The following TMEM132C variants were observed in gnomAD, a reference collection of about 807,000 sequenced individuals.
The protein encoded by TMEM132C is transmembrane protein 132C, also known as protein phosphatase 1, regulatory subunit 152.
In TMEM132C, 29 loss-of-function variants were observed where a neutral mutation model predicts 61.4. The ratio of observed to expected loss-of-function variants is 0.47; its 90% CI spans 0.35 to 0.64. TMEM132C has a LOEUF of 0.64. Among genes scored for constraint, TMEM132C ranks in the 30% least tolerant of loss-of-function variants. The pLI, the probability that TMEM132C is intolerant of heterozygous loss-of-function variation, is 0.00. For synonymous variants in TMEM132C, 656 were observed against 633.1 expected (o/e 1.04, Z -0.54); for missense variants, 1,408 against 1,476.9 (o/e 0.95, Z 0.76).
At chr12:128,520,557 A>C (rs1872874539) in intron 2 of TMEM132C, among the ~76,000 whole-genome samples, 1 of 152,202 alleles carries the variant, frequency 6.6e-6, no homozygotes, top group Non-Finnish European at 1.5e-5. Context: ...CTTAGCCTCA[A>C]CACTGCTGAC....
At chr12:128,654,359 G>A (rs2135613978) in intron 4 of TMEM132C, among the ~76,000 whole-genome samples, 1 of 152,236 alleles carries the variant, frequency 6.6e-6, no homozygotes, top group South Asian at 2.1e-4. Flanking sequence ...AAGAGGCAGG[G>A]AAGGATCCTG....
intron 1 of TMEM132C, among the ~76,000 whole-genome samples, chr12:128,314,346 TC>T (rs869083852): frequency 7.5e-6 from 1 of 133,450 alleles, no homozygotes; most frequent in Non-Finnish European, 1.7e-5. Context: ...TAGCTGCCCA[TC>T]AGGCCTTCTA....
rs74460623 is a variant in TMEM132C, at chr12:128,343,852, A to G, written c.86-70880A>G. Among the ~76,000 whole-genome samples, 778 of 152,310 alleles carry G rather than the reference A, an allele frequency of 5.1e-3. 8 individuals carry two copies. The highest frequency in any genetic ancestry group is 0.018 in the African/African-American group (741 of 41,576). On this transcript the variant is annotated intron_variant, in intron 1 of 8. Transcript: ENST00000435159. ...CATTTCATATAAATGAAACCATACA[A>G]TATACATACAATAAAATTCTGTGTA...
intron 1 of TMEM132C, among the ~76,000 whole-genome samples, chr12:128,373,909 T>C (rs1318354560): frequency 6.6e-6 from 1 of 152,232 alleles, no homozygotes; most frequent in Admixed American, 6.5e-5. Flanking sequence ...ATTCCATTCC[T>C]GCAGCAGCTG....
intron 1 of TMEM132C, among the ~76,000 whole-genome samples, chr12:128,356,852 CT>C (rs760880401): frequency 1.3e-5 from 2 of 152,196 alleles, no homozygotes; most frequent in African/African-American, 2.4e-5. Context: ...TGCAAAGCTG[CT>C]TTTGTTTTCC....
At chr12:128,646,007 G>C (rs1954194377) in intron 4 of TMEM132C, among the ~76,000 whole-genome samples, 1 of 151,832 alleles carries the variant, frequency 6.6e-6, no homozygotes, top group Non-Finnish European at 1.5e-5. Context: ...ATCAGTGTTG[G>C]ATGAGTGTGT....
intron 2 of TMEM132C, among the ~76,000 whole-genome samples, chr12:128,454,175 C>G (rs1262905688): frequency 2.0e-5 from 3 of 152,200 alleles, no homozygotes; most frequent in Non-Finnish European, 4.4e-5. Flanking sequence ...CACATTCACA[C>G]ATCGAATAAT....
chr12:128,597,604 T>G (rs1360719783), intron 3 of TMEM132C, among the ~76,000 whole-genome samples: 1 of 152,228 alleles, frequency 6.6e-6, no homozygotes, highest in Admixed American at 6.5e-5. Context: ...TATAGATGTG[T>G]TCATCCCCTC....
chr12:128,550,919 C>G (rs1339829057), intron 3 of TMEM132C, among the ~76,000 whole-genome samples: 2 of 152,118 alleles, frequency 1.3e-5, no homozygotes, highest in Non-Finnish European at 2.9e-5. Flanking sequence ...GTGTGGAATA[C>G]GAAAGCTCAG....
At chr12:128,551,904 C>T (rs1398793568) in intron 3 of TMEM132C, among the ~76,000 whole-genome samples, 2 of 152,150 alleles carry the variant, frequency 1.3e-5, no homozygotes, top group Admixed American at 6.5e-5. Flanking sequence ...GAACGTTGCA[C>T]CTTGATCTGA....
At position 128,335,299 on chromosome 12, in the gene TMEM132C, C is replaced by T. The variant is rs141812162; in HGVS notation, c.85+67812C>T. Among the ~76,000 whole-genome samples, 295 of 152,190 alleles carry T rather than the reference C, an allele frequency of 1.9e-3. 1 individual carries two copies. The highest frequency in any genetic ancestry group is 6.4e-3 in the African/African-American group (266 of 41,530). ...CTTTTGCAAAGGAATTTGTTATTCA[C>T]GAAAGCATCCTCATCTTATCAACCT... On this transcript the variant is annotated intron_variant, in intron 1 of 8. Transcript: ENST00000435159.
rs568875201 is a variant in TMEM132C at position 128,697,204 on chromosome 12, G to T, written c.1930-20G>T. On this transcript the variant is annotated intron_variant, in intron 7 of 8. Transcript: ENST00000435159. ...GAAACAGGTGTGATGGATTTTCCTT[G>T]TGTCCTGCCAATCCCACAGGTGTTG... The T allele has an allele frequency of 6.7e-7, 1 of 1,485,476 alleles. No individual in the cohort carries two copies. Among genetic ancestry groups the T allele is most frequent in the East Asian group, 2.5e-5 (1 of 39,838 alleles). The allele number at this position is 1,485,476 out of a possible 1,614,324, so 92.0% of individuals were successfully genotyped here. A position where few individuals can be genotyped will look rare whatever the true frequency, so the allele number is the denominator to read the frequency against.
intron 1 of TMEM132C, among the ~76,000 whole-genome samples, chr12:128,337,419 G>C (rs1340960995): frequency 1.3e-5 from 2 of 152,174 alleles, no homozygotes; most frequent in African/African-American, 4.8e-5. Context: ...TAAAGAAAAG[G>C]CTTTGGAAAT....
chr12:128,591,757 T>TA (rs1317837295), intron 3 of TMEM132C, among the ~76,000 whole-genome samples: 1 of 151,990 alleles, frequency 6.6e-6, no homozygotes, highest in Non-Finnish European at 1.5e-5. Context: ...TTTGCCAAGT[T>TA]AAAAAAACTG....
intron 5 of TMEM132C, among the ~76,000 whole-genome samples, chr12:128,676,495 A>C (rs1350760397): frequency 6.6e-6 from 1 of 152,238 alleles, no homozygotes; most frequent in East Asian, 1.9e-4. Flanking sequence ...GAAAACTCTA[A>C]GAAAGAAAGA....
chr12:128,439,164 T>C, intron 2 of TMEM132C: 1 of 164,262 alleles, frequency 6.1e-6, no homozygotes, highest in Non-Finnish European at 1.3e-5. Flanking sequence ...TCCACTTCAA[T>C]GAGTTTCTGA....
rs756058871 is a variant in TMEM132C, at chr12:128,697,334, C to T, written c.2040C>T (p.Val680=). ...TCCAGCTCGTGGCTGGGCTGTCTGT[C>T]GCCCTTTACCCCAACGCAGAAAACA... ...LAIQLVAGLS[V]ALYPNAENSK... The change falls in exon 8 of 9, where the codon GTC becomes GTT. Residue 680 remains valine (V), a synonymous_variant. Transcript: ENST00000435159. The T allele has an allele frequency of 2.5e-5, 39 of 1,551,124 alleles. No homozygotes were observed. The highest frequency in any genetic ancestry group is 2.0e-4 in the South Asian group (17 of 84,026).
chr12:128,341,939 T>G (rs1215589621), intron 1 of TMEM132C, among the ~76,000 whole-genome samples: 2 of 152,130 alleles, frequency 1.3e-5, no homozygotes, highest in East Asian at 3.8e-4. Flanking sequence ...TGCTTCCTGC[T>G]GTCTTCTCTC....
At chr12:128,506,425 G>A (rs1022770334) in intron 2 of TMEM132C, among the ~76,000 whole-genome samples, 10 of 152,224 alleles carry the variant, frequency 6.6e-5, no homozygotes, top group Admixed American at 6.5e-4. Flanking sequence ...AAGATGTGGA[G>A]GAGTAGATTT....
Sources: allele counts gnomAD v4.1 joint callset (sites outside exome capture counted in the v4.1 genomes callset), GRCh38; gene constraint gnomAD v4.1.1; transcripts MANE v1.5; gene names NCBI Gene and HGNC (gene_info 2026-07-23, HGNC 2026-07-21).